HECW1: variants seen among roughly 807,000 people sequenced by gnomAD.
The protein encoded by HECW1 is E3 ubiquitin-protein ligase HECW1.
HECW1 carries 61 observed loss-of-function variants against 182.3 expected under a neutral mutation model. That is an observed-to-expected ratio of 0.33 (90% CI 0.27 to 0.41). The LOEUF (loss-of-function observed/expected upper bound fraction) is 0.41. Ranked by LOEUF, HECW1 falls within the 10% of genes least tolerant of loss-of-function variation. The pLI is 1.00. For synonymous variants in HECW1, 859 were observed against 832.6 expected, an observed-to-expected ratio of 1.03 and a Z score of -0.55; for missense variants, 1,739 against 2,108.9, an observed-to-expected ratio of 0.82 and a Z score of 3.44.
rs200886623 is a variant in HECW1, at chr7:43,431,880, C to CT, written c.802-6109dup. On this transcript the variant is annotated intron_variant, in intron 8 of 29. Transcript: ENST00000395891. ...CCCTTCTTCATCCCACCGACACTTG[C>CT]TTTTTTTTTTTTTTGAGATGGAGTC... Among the ~76,000 whole-genome samples, 501 of 76,210 alleles carry CT rather than the reference C, an allele frequency of 6.6e-3. 4 individuals are homozygous for CT. Among genetic ancestry groups the CT allele is most frequent in the African/African-American group, 0.015 (374 of 25,138 alleles). 50.0% of individuals were successfully genotyped at this position (76,210 alleles called of 152,430 possible). A position where few individuals can be genotyped will look rare whatever the true frequency, so the allele number is the denominator to read the frequency against.
At chr7:43,330,701 G>C (rs1050307721) in intron 5 of HECW1, among the ~76,000 whole-genome samples, 4 of 152,224 alleles carry the variant, frequency 2.6e-5, no homozygotes, top group African/African-American at 9.6e-5. Flanking sequence ...AGTTCGAGGA[G>C]TTGGTGAGAA....
intron 5 of HECW1, among the ~76,000 whole-genome samples, chr7:43,322,946 T>C (rs866443571): frequency 1.3e-5 from 2 of 152,216 alleles, no homozygotes; most frequent in Non-Finnish European, 2.9e-5. Flanking sequence ...ACTTGAAAGT[T>C]TTTATCTTTT....
At chr7:43,295,316 G>C (rs1465030453) in intron 3 of HECW1, among the ~76,000 whole-genome samples, 1 of 152,074 alleles carries the variant, frequency 6.6e-6, no homozygotes, top group East Asian at 1.9e-4. Flanking sequence ...GGGGTATATG[G>C]CTTTTTTATC....
intron 28 of HECW1, among the ~76,000 whole-genome samples, chr7:43,553,369 G>A (rs955922170): frequency 2.6e-5 from 4 of 152,152 alleles, no homozygotes; most frequent in African/African-American, 9.6e-5. Flanking sequence ...TATAAAATCG[G>A]TATAGAATGA....
intron 3 of HECW1, among the ~76,000 whole-genome samples, chr7:43,274,775 T>C (rs1208717910): frequency 6.6e-6 from 1 of 152,156 alleles, no homozygotes; most frequent in Non-Finnish European, 1.5e-5. Flanking sequence ...TACCAGCCAA[T>C]GTGATAGATG....
chr7:43,295,179 A>G (rs1805883291), intron 3 of HECW1, among the ~76,000 whole-genome samples: 1 of 152,204 alleles, frequency 6.6e-6, no homozygotes. Context: ...TCGTGTGAGC[A>G]GAGGGACGAC....
intron 7 of HECW1, among the ~76,000 whole-genome samples, chr7:43,404,325 T>G (rs1047840357): frequency 6.6e-6 from 1 of 152,202 alleles, no homozygotes; most frequent in Admixed American, 6.5e-5. Context: ...TGCTCTTGAG[T>G]AGAAGTCTCC....
chr7:43,467,120 G>GTT (rs546743103), intron 15 of HECW1, among the ~76,000 whole-genome samples: 2,060 of 152,250 alleles, frequency 0.014, 46 homozygotes, highest in African/African-American at 0.048. Context: ...AACATTTTCT[G>GTT]TGGTTCAGGC....
At chr7:43,345,501 T>C (rs1418023560) in intron 5 of HECW1, among the ~76,000 whole-genome samples, 1 of 152,166 alleles carries the variant, frequency 6.6e-6, no homozygotes, top group Non-Finnish European at 1.5e-5. Flanking sequence ...AGTTCTTTAG[T>C]GGTGATTTGT....
intron 2 of HECW1, among the ~76,000 whole-genome samples, chr7:43,240,608 A>G (rs1322928719): frequency 1.3e-5 from 2 of 152,182 alleles, no homozygotes; most frequent in African/African-American, 4.8e-5. Flanking sequence ...GCCCAGGAGA[A>G]ACATCCTGCT....
At chr7:43,447,073 G>T (rs1169875629) in intron 11 of HECW1, among the ~76,000 whole-genome samples, 1 of 152,134 alleles carries the variant, frequency 6.6e-6, no homozygotes, top group East Asian at 1.9e-4. Context: ...GGTTACAGAG[G>T]TCTGTAGATT....
At chr7:43,248,191 G>C (rs1055913869) in intron 3 of HECW1, among the ~76,000 whole-genome samples, 1 of 152,120 alleles carries the variant, frequency 6.6e-6, no homozygotes, top group Admixed American at 6.5e-5. Flanking sequence ...TGTCATCAGA[G>C]ATCACCCAGA....
At chr7:43,135,979 C>CTT (rs34511113) in intron 2 of HECW1, among the ~76,000 whole-genome samples, 64,347 of 143,290 alleles carry the variant, frequency 0.45, 14,495 homozygotes, top group Admixed American at 0.5. Flanking sequence ...ACCATTTACA[C>CTT]TTTTTTTTTT....
chr7:43,218,873 G>A (rs12534105), intron 2 of HECW1, among the ~76,000 whole-genome samples: 74,252 of 151,852 alleles, frequency 0.49, 19,590 homozygotes, highest in African/African-American at 0.69. Context: ...AGGAGCAGAG[G>A]GTTTAATAGA....
At chr7:43,305,146 T>A (rs1270115919) in intron 3 of HECW1, among the ~76,000 whole-genome samples, 2 of 152,222 alleles carry the variant, frequency 1.3e-5, no homozygotes, top group East Asian at 3.9e-4. Context: ...TAATGAACTC[T>A]CTTCCTGCGA....
chr7:43,504,125 T>C lies in HECW1; in HGVS notation c.3631+2803T>C, dbSNP rs2079480726. On this transcript the variant is annotated intron_variant, in intron 21 of 29. Transcript: ENST00000395891. ...TTCTCAAGGCCTGTGGCCCCTGCCT[T>C]GTAGTCTTCCTCTCCTTCCCAAGCA... Among the ~76,000 whole-genome samples the C allele has an allele frequency of 1.3e-5, 2 of 152,212 alleles. 1 individual carries two copies. Among genetic ancestry groups the C allele is most frequent in the South Asian group, 4.1e-4 (2 of 4,836 alleles).
intron 5 of HECW1, among the ~76,000 whole-genome samples, chr7:43,335,934 T>TTTTC (rs879581909): frequency 2.0e-5 from 3 of 150,740 alleles, no homozygotes; most frequent in African/African-American, 7.3e-5. Flanking sequence ...CTTTCTTTCT[T>TTTTC]TTTCTTTCTT....
intron 2 of HECW1, among the ~76,000 whole-genome samples, chr7:43,224,485 A>G (rs1797251767): frequency 6.6e-6 from 1 of 152,188 alleles, no homozygotes; most frequent in African/African-American, 2.4e-5. Context: ...CCAAGCAAAG[A>G]AAAAGAATGC....
Position 43,410,931 on chromosome 7 carries a change from G to C in HECW1, c.801+3200G>C, listed in dbSNP as rs144061064. Among the ~76,000 whole-genome samples the C allele has an allele frequency of 8.5e-4, 128 of 151,258 alleles. 2 individuals carry two copies. In the East Asian group the frequency reaches 0.021, roughly 24 times the overall value. Reference sequence around the variant, plus strand: ...ATCTAAATATGGGTTTATTAAATTTGTTTATTTTGTGAAAGAACTAGCTCT... The same window carrying C: ...ATCTAAATATGGGTTTATTAAATTTCTTTATTTTGTGAAAGAACTAGCTCT... On this transcript the variant is annotated intron_variant, in intron 8 of 29. Transcript: ENST00000395891.
Sources: gnomAD v4.1 joint callset for allele counts (sites outside exome capture counted in the v4.1 genomes callset) on GRCh38, gnomAD v4.1.1 for gene constraint, MANE v1.5 for transcripts, NCBI Gene and HGNC (gene_info 2026-07-23, HGNC 2026-07-21) for gene names.